The following COG2 variants were observed in gnomAD, a reference collection of about 807,000 sequenced individuals.
COG2 encodes the protein conserved oligomeric Golgi complex subunit 2.
Under a neutral mutation model 90.6 loss-of-function variants are expected in COG2, and 52 were observed. The observed-to-expected ratio is 0.57, with a 90% CI of 0.46 to 0.72. The LOEUF (loss-of-function observed/expected upper bound fraction) is 0.72, where lower values mean the gene tolerates loss of function less well. Among genes scored for constraint, COG2 ranks in the 30% least tolerant of loss-of-function variants. The probability of loss-of-function intolerance (pLI) is 0.00; values close to 1 mark genes in which losing one functional copy is unlikely to be tolerated. For synonymous variants in COG2, 337 were observed against 320.4 expected (o/e 1.05, Z -0.55); for missense variants, 829 against 891.2 (o/e 0.93, Z 0.89).
chr1:230,658,612 A>G (rs1662116677), intron 1 of COG2, among the ~76,000 whole-genome samples: 1 of 152,182 alleles, frequency 6.6e-6, no homozygotes, highest in Non-Finnish European at 1.5e-5. Context: ...CTCTAGAGCC[A>G]TCAAGCAGTG....
intron 5 of COG2, among the ~76,000 whole-genome samples, chr1:230,667,254 G>A (rs550605154): frequency 8.5e-5 from 13 of 152,190 alleles, no homozygotes; most frequent in African/African-American, 2.4e-4. Flanking sequence ...AGTGATGTCT[G>A]TTTCTAGACA....
intron 12 of COG2, 123 bp from the exon 13 acceptor site, chr1:230,686,812 T>A (rs192867037): frequency 4.0e-6 from 2 of 504,672 alleles, no homozygotes; most frequent in Non-Finnish European, 3.4e-6. Context: ...AGTAAGTTTT[T>A]ACTAAATGCT....
intron 1 of COG2, among the ~76,000 whole-genome samples, chr1:230,649,892 G>A (rs1172408871): frequency 2.6e-5 from 4 of 152,064 alleles, no homozygotes; most frequent in Non-Finnish European, 4.4e-5. Flanking sequence ...CCCCTTTCAA[G>A]TCCCCAGTGT....
intron 3 of COG2, 79 bp downstream of exon 3, chr1:230,660,902 T>C: frequency 1.1e-6 from 1 of 941,154 alleles, no homozygotes; most frequent in South Asian, 2.0e-5. Context: ...AAAATTCCTT[T>C]AATCTGTTAG....
intron 5 of COG2, among the ~76,000 whole-genome samples, chr1:230,667,140 A>G (rs559296815): frequency 6.6e-6 from 1 of 152,300 alleles, no homozygotes; most frequent in South Asian, 2.1e-4. Context: ...CTCAGTCTAT[A>G]AGGCCCCTGA....
chr1:230,649,721 T>C (rs758832811), intron 1 of COG2, among the ~76,000 whole-genome samples: 3 of 152,124 alleles, frequency 2.0e-5, no homozygotes, highest in Non-Finnish European at 4.4e-5. Flanking sequence ...TTGTTACTTA[T>C]TTATTTTATT....
chr1:230,659,982 A>G (rs1336668595), intron 2 of COG2, among the ~76,000 whole-genome samples: 1 of 152,234 alleles, frequency 6.6e-6, no homozygotes, highest in East Asian at 1.9e-4. Context: ...TGTTTAATTT[A>G]CTTTCAGATA....
chr1:230,683,669 C>A, intron 11 of COG2, 34 bp downstream of exon 11: 3 of 1,404,474 alleles, frequency 2.1e-6, no homozygotes, highest in Non-Finnish European at 3.0e-6. Flanking sequence ...GGCATGGTAT[C>A]CTAAATGAGT....
At chr1:230,690,687 C>T (rs938541945) in intron 16 of COG2, among the ~76,000 whole-genome samples, 1 of 152,140 alleles carries the variant, frequency 6.6e-6, no homozygotes, top group African/African-American at 2.4e-5. Flanking sequence ...GTGTGTTACT[C>T]AATTTTGTTA....
chr1:230,686,837 C>T (rs1419816621), intron 12 of COG2, 98 bp from the exon 13 acceptor site: 1 of 643,388 alleles, frequency 1.6e-6, no homozygotes, highest in Non-Finnish European at 2.5e-6. Flanking sequence ...AGACAGCTAG[C>T]ATTTAATGGT....
intron 1 of COG2, among the ~76,000 whole-genome samples, chr1:230,659,036 TA>T (rs539076000): frequency 1.8e-4 from 28 of 152,160 alleles, no homozygotes; most frequent in Non-Finnish European, 3.2e-4. Flanking sequence ...ATTAATAGAT[TA>T]ATAGTGCTTA....
intron 9 of COG2, chr1:230,678,259 T>C: frequency 1.0e-6 from 1 of 985,372 alleles, no homozygotes; most frequent in Non-Finnish European, 1.2e-6. Flanking sequence ...TTTGAGCAGG[T>C]TCTCTGTGAG....
chr1:230,654,156 C>T (rs1351071372), intron 1 of COG2, among the ~76,000 whole-genome samples: 1 of 152,062 alleles, frequency 6.6e-6, no homozygotes, highest in African/African-American at 2.4e-5. Context: ...CTTTTGTTGC[C>T]ATTGCTTTTG....
At chr1:230,676,632 T>C (rs1191825428) in intron 9 of COG2, among the ~76,000 whole-genome samples, 1 of 152,242 alleles carries the variant, frequency 6.6e-6, no homozygotes, top group Non-Finnish European at 1.5e-5. Context: ...TGCTTACTGT[T>C]CATTTTTGAA....
intron 1 of COG2, among the ~76,000 whole-genome samples, chr1:230,653,432 G>T (rs1661965220): frequency 6.6e-6 from 1 of 151,908 alleles, no homozygotes; most frequent in Admixed American, 6.6e-5. Context: ...TGTTGGCCAG[G>T]CTGGTCTTGA....
At chr1:230,646,893 T>C (rs1418102074) in intron 1 of COG2, among the ~76,000 whole-genome samples, 2 of 152,120 alleles carry the variant, frequency 1.3e-5, no homozygotes, top group Non-Finnish European at 2.9e-5. Flanking sequence ...ACTTCCCAAA[T>C]ATCTCTGAAA....
At chr1:230,678,528 C>A (rs1166985927) in intron 9 of COG2, 1 of 985,324 alleles carries the variant, frequency 1.0e-6, no homozygotes, top group East Asian at 1.1e-4. Flanking sequence ...TCTCTTTCTT[C>A]TTCAGAATTT....
In COG2 at chr1:230,691,380, C is replaced by T; in HGVS notation, c.1935-4C>T. 3 of 1,606,950 alleles carry T rather than the reference C, an allele frequency of 1.9e-6. No individual in the cohort carries two copies. The South Asian group carries it at 3.3e-5, about 18-fold the overall frequency. ...TTCACCAATAAACGTGTCTTCTATTCAAGGTACTATGAAACCGTGTCAGAT... is the reference window on the plus strand; with the variant it reads ...TTCACCAATAAACGTGTCTTCTATTTAAGGTACTATGAAACCGTGTCAGAT... On this transcript the variant is annotated splice_polypyrimidine_tract_variant and splice_region_variant and intron_variant, in intron 16 of 17. Transcript: ENST00000366669.
At chr1:230,671,345 A>T in intron 7 of COG2, 171 bp from the exon 8 acceptor site, 1 of 527,396 alleles carries the variant, frequency 1.9e-6, no homozygotes, top group Non-Finnish European at 3.4e-6. Flanking sequence ...CCAAGGAAGT[A>T]GTTTTGAATG....
Sources: gnomAD v4.1 joint callset for allele counts (sites outside exome capture counted in the v4.1 genomes callset) on GRCh38, gnomAD v4.1.1 for gene constraint, MANE v1.5 for transcripts, NCBI Gene and HGNC (gene_info 2026-07-23, HGNC 2026-07-21) for gene names.